Variants in SEMA5A observed in about 807,000 individuals in gnomAD.
The protein encoded by SEMA5A is semaphorin-5A.
SEMA5A carries 55 observed loss-of-function variants against 135.5 expected under a neutral mutation model. The observed-to-expected ratio is 0.41, with a 90% CI of 0.33 to 0.51. The LOEUF is 0.51. Among genes scored for constraint, SEMA5A ranks in the 20% least tolerant of loss-of-function variants. The pLI, the probability that SEMA5A is intolerant of heterozygous loss-of-function variation, is 0.37. For missense variants in SEMA5A, 1,290 were observed against 1,419.9 expected, an observed-to-expected ratio of 0.91 and a Z score of 1.47; for synonymous variants, 580 against 546.5, an observed-to-expected ratio of 1.06 and a Z score of -0.85.
At chr5:9,270,110 T>C (rs1474328074) in intron 5 of SEMA5A, among the ~76,000 whole-genome samples, 1 of 152,100 alleles carries the variant, frequency 6.6e-6, no homozygotes, top group East Asian at 1.9e-4. Flanking sequence ...TTTAATACAT[T>C]CCAGGCAGAG....
intron 5 of SEMA5A, among the ~76,000 whole-genome samples, chr5:9,241,228 C>A (rs1390370029): frequency 1.3e-5 from 2 of 152,018 alleles, no homozygotes; most frequent in East Asian, 3.9e-4. Flanking sequence ...AATACCTGTA[C>A]TAAGGAACAA....
chr5:9,298,359 C>T (rs577162353), intron 5 of SEMA5A, among the ~76,000 whole-genome samples: 1 of 152,140 alleles, frequency 6.6e-6, no homozygotes, highest in Non-Finnish European at 1.5e-5. Flanking sequence ...GAAGAAGACT[C>T]CCCTAGAGCC....
chr5:9,526,451 C>T (rs1350033804), intron 1 of SEMA5A, among the ~76,000 whole-genome samples: 1 of 152,106 alleles, frequency 6.6e-6, no homozygotes, highest in East Asian at 1.9e-4. Flanking sequence ...TTCACAGGTA[C>T]CTTTAATTAT....
intron 2 of SEMA5A, among the ~76,000 whole-genome samples, chr5:9,431,349 G>C (rs1213786251): frequency 6.6e-6 from 1 of 152,180 alleles, no homozygotes; most frequent in East Asian, 1.9e-4. Flanking sequence ...CTTAGATACT[G>C]TTACATGAAA....
chr5:9,540,021 C>T (rs985503295), intron 1 of SEMA5A, among the ~76,000 whole-genome samples: 5 of 152,140 alleles, frequency 3.3e-5, no homozygotes, highest in African/African-American at 1.2e-4. Context: ...GTTTTAGAGT[C>T]CATGGTTAGC....
intron 1 of SEMA5A, among the ~76,000 whole-genome samples, chr5:9,478,594 G>T (rs976670489): frequency 2.0e-5 from 3 of 152,176 alleles, no homozygotes; most frequent in Non-Finnish European, 4.4e-5. Context: ...AGATTTAATG[G>T]CTTTCCTTCT....
intron 2 of SEMA5A, among the ~76,000 whole-genome samples, chr5:9,397,077 A>G (rs948806577): frequency 6.6e-6 from 1 of 152,098 alleles, no homozygotes; most frequent in African/African-American, 2.4e-5. Flanking sequence ...ACCAAAGAAG[A>G]CAAAATAAAA....
intron 1 of SEMA5A, among the ~76,000 whole-genome samples, chr5:9,471,416 C>G (rs1222241010): frequency 2.0e-5 from 3 of 152,066 alleles, no homozygotes; most frequent in African/African-American, 7.2e-5. Context: ...ATTCTGTATT[C>G]TAATTCTCTA....
rs77145636 is a variant in SEMA5A, at chr5:9,506,684, G to A, written c.-175+38900C>T. On this transcript the variant is annotated intron_variant, in intron 1 of 22. Coordinates refer to ENST00000382496, the MANE Select transcript of SEMA5A (RefSeq NM_003966.3). ...CAAAAATTGCAAATGGACATGTTAA[G>A]AAGGTGATGAAATTTATCAAAACAA... Among the ~76,000 whole-genome samples, 487 of 152,278 alleles carry A rather than the reference G, an allele frequency of 3.2e-3. 6 individuals carry two copies. Among genetic ancestry groups the A allele is most frequent in the African/African-American group, 9.9e-3 (411 of 41,574 alleles).
At chr5:9,335,616 C>T (rs914472143) in intron 4 of SEMA5A, among the ~76,000 whole-genome samples, 2 of 152,164 alleles carry the variant, frequency 1.3e-5, no homozygotes, top group South Asian at 4.1e-4. Context: ...ACATTTGTAC[C>T]TGCCCCACCC....
chr5:9,204,595 T>G lies in SEMA5A; in HGVS notation c.647-2355A>C, dbSNP rs1346405501. Among the ~76,000 whole-genome samples the G allele has an allele frequency of 6.6e-6, 1 of 152,214 alleles. No homozygotes were observed. The highest frequency in any genetic ancestry group is 2.1e-4 in the South Asian group (1 of 4,832). ...AACTCACAAGAATCACAGAGCTAGGTGCTGTGCTATTCTTCCCATTTCACA... is the reference window on the plus strand; with the variant it reads ...AACTCACAAGAATCACAGAGCTAGGGGCTGTGCTATTCTTCCCATTTCACA... On this transcript the variant is annotated intron_variant, in intron 8 of 22. Transcript: ENST00000382496. This position sits in a 1 kb window ranked among gnomAD's most constrained non-coding sequence, Gnocchi z 6.4.
intron 18 of SEMA5A, among the ~76,000 whole-genome samples, chr5:9,062,541 C>T (rs1737239780): frequency 6.6e-6 from 1 of 152,196 alleles, no homozygotes; most frequent in Admixed American, 6.5e-5. Context: ...TGATGGCTCA[C>T]TGTAGTCTTG....
At chr5:9,155,762 G>A (rs928918846) in intron 11 of SEMA5A, among the ~76,000 whole-genome samples, 5 of 152,120 alleles carry the variant, frequency 3.3e-5, no homozygotes, top group African/African-American at 1.2e-4. Flanking sequence ...AAAGACCTTG[G>A]ATAAAATACT....
At position 9,545,986 on chromosome 5, in the gene SEMA5A, A is replaced by G. The variant is rs112941079; in HGVS notation, c.-577T>C. The G allele has an allele frequency of 0.098, 14,899 of 152,264 alleles. 966 individuals are homozygous for G. Among genetic ancestry groups the G allele is most frequent in the Non-Finnish European group, 0.15 (9,888 of 68,086 alleles). The allele number at this position is 152,264 out of a possible 1,614,324, so 9.4% of individuals were successfully genotyped here. ...CGGGCCAAGGGCCGCGGCTGGCCTG[A>G]GGCTGCGAAGCCCACCCGCGGCGGG... On this transcript the variant is annotated 5_prime_UTR_variant, in exon 1 of 23. Transcript: ENST00000382496. This position sits in a 1 kb window ranked among gnomAD's most constrained non-coding sequence, Gnocchi z 4.5.
At chr5:9,499,363 C>T (rs1735467229) in intron 1 of SEMA5A, among the ~76,000 whole-genome samples, 1 of 152,104 alleles carries the variant, frequency 6.6e-6, no homozygotes, top group Admixed American at 6.5e-5. Flanking sequence ...AAGAAAAAAG[C>T]AGAGAATGGA....
chr5:9,343,236 G>C (rs1414700899), intron 3 of SEMA5A, among the ~76,000 whole-genome samples: 1 of 152,170 alleles, frequency 6.6e-6, no homozygotes. Flanking sequence ...TGTAAGTATG[G>C]AGGAAGAAAA....
chr5:9,505,461 T>C (rs956598051), intron 1 of SEMA5A, among the ~76,000 whole-genome samples: 4 of 152,228 alleles, frequency 2.6e-5, no homozygotes, highest in African/African-American at 7.2e-5. Context: ...CTGGATGTTT[T>C]GGAAAACAGG....
intron 18 of SEMA5A, among the ~76,000 whole-genome samples, chr5:9,060,208 G>A (rs899916251): frequency 2.6e-5 from 4 of 152,314 alleles, no homozygotes; most frequent in Middle Eastern, 3.4e-3. Context: ...CTTTTAAAAC[G>A]AAAATGAGGA....
chr5:9,484,968 G>T (rs1470333777), intron 1 of SEMA5A, among the ~76,000 whole-genome samples: 1 of 152,124 alleles, frequency 6.6e-6, no homozygotes, highest in African/African-American at 2.4e-5. Flanking sequence ...ACCTGAATTT[G>T]AATTTCAGAG....
Sources: allele counts gnomAD v4.1 joint callset (sites outside exome capture counted in the v4.1 genomes callset), GRCh38; gene constraint gnomAD v4.1.1; non-coding constraint Gnocchi (gnomAD v3.1); transcripts MANE v1.5; gene names NCBI Gene and HGNC (gene_info 2026-07-23, HGNC 2026-07-21).